The following CAST variants were observed in gnomAD, a reference collection of about 807,000 sequenced individuals.
CAST encodes calpastatin.
CAST carries 76 observed loss-of-function variants against 119.6 expected under a neutral mutation model. That is an observed-to-expected ratio of 0.64 (90% CI 0.53 to 0.77). CAST has a LOEUF of 0.77. Among genes scored for constraint, CAST ranks in the 30% least tolerant of loss-of-function variants. The pLI is 0.00. For synonymous variants in CAST, 319 were observed against 331.6 expected (o/e 0.96, Z 0.41); for missense variants, 953 against 946.5 (o/e 1.01, Z -0.09).
At chr5:96,730,945 C>T (rs1760347421) in intron 9 of CAST, 85 bp downstream of exon 9, 3 of 1,056,166 alleles carry the variant, frequency 2.8e-6, no homozygotes, top group Admixed American at 3.5e-5. Context: ...AATAACCTAT[C>T]ATCTGGCAAA....
the CAST span, chr5:95,972,896 A>C: frequency 6.6e-6 from 1 of 152,236 alleles, no homozygotes; most frequent in South Asian, 2.1e-4. Flanking sequence ...TAGCACAAGT[A>C]CATTTCTTTA....
At chr5:96,706,404 A>G (rs765949696) in intron 3 of CAST, among the ~76,000 whole-genome samples, 24 of 152,212 alleles carry the variant, frequency 1.6e-4, no homozygotes, top group Non-Finnish European at 2.4e-4. Flanking sequence ...AGAGCAATGT[A>G]AAAAGTGTTA....
the CAST span, among the ~76,000 whole-genome samples, chr5:95,998,042 C>T: frequency 7.7e-6 from 1 of 129,426 alleles, no homozygotes; most frequent in African/African-American, 3.1e-5. Flanking sequence ...GGTGGTATGT[C>T]CATGTAATGG....
At chr5:96,397,272 T>G in the CAST span, 7 of 1,448,956 alleles carry the variant, frequency 4.8e-6, no homozygotes, top group Non-Finnish European at 6.8e-6. Flanking sequence ...GAAATCAACC[T>G]TAAAAGTGCT....
At chr5:96,183,070 C>T in the CAST span, among the ~76,000 whole-genome samples, 1 of 151,476 alleles carries the variant, frequency 6.6e-6, no homozygotes, top group Admixed American at 6.6e-5. Flanking sequence ...ACCCGGGAGG[C>T]GGAGCTTGCA....
chr5:95,970,621 T>G, the CAST span, among the ~76,000 whole-genome samples: 2 of 152,232 alleles, frequency 1.3e-5, no homozygotes, highest in African/African-American at 4.8e-5. Flanking sequence ...GAGCCGATAT[T>G]ATTGCATAGT....
At chr5:96,767,632 T>A (rs1770468356) in intron 28 of CAST, 150 bp downstream of exon 28, 2 of 665,884 alleles carry the variant, frequency 3.0e-6, no homozygotes, top group Non-Finnish European at 5.2e-6. Flanking sequence ...TGACTATTGT[T>A]TACCTCTCTT....
chr5:96,112,223 G>A, the CAST span, among the ~76,000 whole-genome samples: 1 of 151,872 alleles, frequency 6.6e-6, no homozygotes, highest in African/African-American at 2.4e-5. Context: ...TGTGTCTGGG[G>A]AAAGCCAGTG....
the CAST span, among the ~76,000 whole-genome samples, chr5:96,200,362 C>T: frequency 5.9e-5 from 9 of 152,060 alleles, no homozygotes; most frequent in African/African-American, 1.9e-4. Flanking sequence ...TGCTCAGAAT[C>T]CAGAATTCAA....
At chr5:96,553,208 C>A (rs1044892043) in intron 1 of CAST, among the ~76,000 whole-genome samples, 21 of 152,194 alleles carry the variant, frequency 1.4e-4, no homozygotes, top group South Asian at 8.3e-4. Flanking sequence ...AAAAGCTTAT[C>A]CACCATAATC....
chr5:96,106,294 A>C, the CAST span, among the ~76,000 whole-genome samples: 2 of 151,854 alleles, frequency 1.3e-5, no homozygotes, highest in Non-Finnish European at 2.9e-5. Flanking sequence ...TTGCTTTTCT[A>C]GTTCTTTTAA....
chr5:96,199,495 A>G, the CAST span, among the ~76,000 whole-genome samples: 1 of 152,194 alleles, frequency 6.6e-6, no homozygotes, highest in Non-Finnish European at 1.5e-5. Flanking sequence ...ACATAGACCA[A>G]ATCTTTACAG....
chr5:96,405,437 A>T, the CAST span, among the ~76,000 whole-genome samples: 1 of 152,184 alleles, frequency 6.6e-6, no homozygotes, highest in Non-Finnish European at 1.5e-5. Context: ...CACCTGCTTT[A>T]GAGACTGTCC....
At chr5:96,725,916 C>T (rs1759162700) in intron 4 of CAST, among the ~76,000 whole-genome samples, 1 of 152,156 alleles carries the variant, frequency 6.6e-6, no homozygotes. Flanking sequence ...AAAAACATTT[C>T]AATCATAAGC....
chr5:96,128,196 C>T, the CAST span, among the ~76,000 whole-genome samples: 1 of 152,052 alleles, frequency 6.6e-6, no homozygotes, highest in Non-Finnish European at 1.5e-5. Flanking sequence ...TAGAATATTG[C>T]AGGGTATTTG....
At chr5:96,671,688 G>A (rs1750094441) in intron 1 of CAST, among the ~76,000 whole-genome samples, 1 of 152,192 alleles carries the variant, frequency 6.6e-6, no homozygotes, top group African/African-American at 2.4e-5. Flanking sequence ...TTTCTTTTCT[G>A]TAATTAGTTT....
chr5:96,348,726 A>G, the CAST span, among the ~76,000 whole-genome samples: 10 of 152,158 alleles, frequency 6.6e-5, no homozygotes, highest in Admixed American at 3.9e-4. Flanking sequence ...GCAGATGGCA[A>G]TGGCAATGAG....
chr5:96,762,159 TG>T (rs1466804396), intron 24 of CAST, 114 bp from the exon 25 acceptor site: 1 of 516,572 alleles, frequency 1.9e-6, no homozygotes, highest in Non-Finnish European at 3.4e-6. Context: ...TGAGTCTATT[TG>T]GTCAAGAGAA....
intron 1 of CAST, among the ~76,000 whole-genome samples, chr5:96,671,994 C>G (rs1750135680): frequency 1.3e-5 from 2 of 152,144 alleles, no homozygotes; most frequent in East Asian, 3.8e-4. Context: ...GAATAATTTT[C>G]AATAAATGAT....
Sources: gnomAD v4.1 joint callset for allele counts (sites outside exome capture counted in the v4.1 genomes callset) on GRCh38, gnomAD v4.1.1 for gene constraint, MANE v1.5 for transcripts, NCBI Gene and HGNC (gene_info 2026-07-23, HGNC 2026-07-21) for gene names.